The following CERS3 variants were observed in gnomAD, a reference collection of about 807,000 sequenced individuals.
The protein encoded by CERS3 is LAG1 homolog, ceramide synthase 3.
In CERS3, 33 loss-of-function variants were observed where a neutral mutation model predicts 50.3. The observed-to-expected ratio is 0.66, with a 90% CI of 0.50 to 0.88. CERS3 has a LOEUF of 0.88. CERS3 is among the 40% of genes least tolerant of loss of function. The probability of loss-of-function intolerance (pLI) is 0.00; values close to 1 mark genes in which losing one functional copy is unlikely to be tolerated. For missense variants in CERS3, 470 were observed against 460.3 expected, an observed-to-expected ratio of 1.02 and a Z score of -0.19; for synonymous variants, 176 against 155.2, an observed-to-expected ratio of 1.13 and a Z score of -0.99.
chr15:100,496,754 C>A (rs2035827534), intron 3 of CERS3, among the ~76,000 whole-genome samples: 1 of 152,118 alleles, frequency 6.6e-6, no homozygotes, highest in African/African-American at 2.4e-5. Context: ...TTCTGCCAGT[C>A]CAGTCAATTC....
At chr15:100,480,762 T>G (rs2035274065) in intron 5 of CERS3, among the ~76,000 whole-genome samples, 1 of 152,188 alleles carries the variant, frequency 6.6e-6, no homozygotes, top group African/African-American at 2.4e-5. Context: ...ATGCTGAAAA[T>G]AAAGAGTTCT....
intron 3 of CERS3, chr15:100,500,315 A>G (rs759666134): frequency 2.0e-5 from 3 of 152,234 alleles, no homozygotes; most frequent in Admixed American, 6.5e-5. Flanking sequence ...TCCCTTGAGA[A>G]GAAGCAACAA....
intron 10 of CERS3, among the ~76,000 whole-genome samples, chr15:100,462,270 GT>G (rs1021984367): frequency 5.3e-5 from 8 of 152,294 alleles, no homozygotes; most frequent in African/African-American, 1.9e-4. Flanking sequence ...TTTCAGTTTT[GT>G]TTCCAATTTT....
intron 11 of CERS3, among the ~76,000 whole-genome samples, chr15:100,422,941 G>T (rs1225349661): frequency 9.7e-5 from 13 of 133,416 alleles, no homozygotes; most frequent in Non-Finnish European, 1.8e-4. Flanking sequence ...GTTGTGGGGT[G>T]GGGGGGAGGG....
chr15:100,503,823 G>C, intron 2 of CERS3: 1 of 458,908 alleles, frequency 2.2e-6, no homozygotes, highest in South Asian at 1.6e-5. Context: ...GGCCAGAGCA[G>C]TGGGGACCAG....
intron 11 of CERS3, among the ~76,000 whole-genome samples, chr15:100,421,237 T>G (rs898689152): frequency 4.0e-5 from 6 of 150,104 alleles, no homozygotes; most frequent in Non-Finnish European, 7.4e-5. Flanking sequence ...CAGCAAAGTC[T>G]CAGGATACAA....
chr15:100,441,180 C>G (rs1371211780), intron 11 of CERS3, among the ~76,000 whole-genome samples: 1 of 151,976 alleles, frequency 6.6e-6, no homozygotes, highest in South Asian at 2.1e-4. Flanking sequence ...TATTTCTGCA[C>G]CCCGACCTCT....
chr15:100,407,339 T>C lies in CERS3; in HGVS notation c.1000-4474A>G, dbSNP rs547335840. ...CCTTTAACAAGAGATCCCAACTGTA[T>C]AGGGCCTGTTGGAACTTTATAGCAT... On this transcript the variant is annotated intron_variant, in intron 11 of 11. Coordinates refer to ENST00000679737, the MANE Select transcript of CERS3 (RefSeq NM_001378789.1). Among the ~76,000 whole-genome samples, 8 of 152,324 alleles carry C rather than the reference T, an allele frequency of 5.3e-5. No homozygotes were observed. The East Asian group carries it at 7.7e-4, about 15-fold the overall frequency.
intron 3 of CERS3, among the ~76,000 whole-genome samples, chr15:100,491,541 G>GTGTGTAGT (rs2035651944): frequency 6.6e-6 from 1 of 152,084 alleles, no homozygotes; most frequent in Admixed American, 6.6e-5. Context: ...ATTCTACTGG[G>GTGTGTAGT]TGTGTAGTGG....
chr15:100,489,240 G>A (rs181859280), intron 4 of CERS3, among the ~76,000 whole-genome samples: 1 of 152,306 alleles, frequency 6.6e-6, no homozygotes, highest in East Asian at 1.9e-4. Context: ...TAGCATGGTG[G>A]AAAGGTCACT....
intron 10 of CERS3, among the ~76,000 whole-genome samples, chr15:100,460,919 T>G (rs893516769): frequency 1.3e-5 from 2 of 152,150 alleles, no homozygotes; most frequent in Non-Finnish European, 2.9e-5. Flanking sequence ...GGGTTCTACA[T>G]GTACAAAGGC....
intron 11 of CERS3, among the ~76,000 whole-genome samples, chr15:100,435,077 C>T (rs1029013796): frequency 1.3e-5 from 2 of 152,148 alleles, no homozygotes; most frequent in African/African-American, 2.4e-5. Flanking sequence ...ATATCAATGC[C>T]GTGCTCTCAG....
intron 1 of CERS3, among the ~76,000 whole-genome samples, chr15:100,536,761 G>T (rs974450704): frequency 1.3e-5 from 2 of 152,134 alleles, no homozygotes; most frequent in Non-Finnish European, 2.9e-5. Context: ...ACACTGGGCT[G>T]GGCACCTCAG....
rs752230253 is a variant in CERS3 at position 100,472,976 on chromosome 15, C to T, written c.686G>A (p.Arg229His). 3 of 1,613,810 alleles carry T rather than the reference C, an allele frequency of 1.9e-6. No individual in the cohort carries two copies. The highest frequency in any genetic ancestry group is 1.7e-6 in the Non-Finnish European group (2 of 1,179,914). The change falls in exon 9 of 12, where the codon CGC (arginine) becomes CAC (histidine). Residue 229 changes from arginine to histidine, a missense_variant. By Grantham distance (29) the Arg-to-His change is conservative. Coordinates refer to ENST00000679737, the MANE Select transcript of CERS3 (RefSeq NM_001378789.1). ...MSFSWCANYI[R>H]SGTLVMIVHD... is the part of the protein sequence containing the mutation. The stretch of plus-strand genomic sequence containing the variant: ...TACAATCATCACGAGGGTCCCACTG[C>T]GAATATAATTAGCACACCAAGAGAA...
intron 11 of CERS3, among the ~76,000 whole-genome samples, chr15:100,440,733 A>G (rs1034536368): frequency 2.0e-5 from 3 of 152,222 alleles, no homozygotes; most frequent in African/African-American, 7.2e-5. Flanking sequence ...AGCCCAAGAA[A>G]CATCTCACCA....
At chr15:100,463,476 A>G (rs1341608121) in intron 10 of CERS3, among the ~76,000 whole-genome samples, 1 of 151,798 alleles carries the variant, frequency 6.6e-6, no homozygotes, top group South Asian at 2.1e-4. Context: ...AAATGAATAC[A>G]TGAATAAAAG....
chr15:100,405,164 T>C (rs970016901), intron 11 of CERS3, among the ~76,000 whole-genome samples: 1 of 150,360 alleles, frequency 6.7e-6, no homozygotes, highest in Non-Finnish European at 1.5e-5. Context: ...AGCTGCAAAC[T>C]GGGAGATAAT....
At chr15:100,504,657 G>C (rs898080968) in intron 2 of CERS3, among the ~76,000 whole-genome samples, 1 of 152,190 alleles carries the variant, frequency 6.6e-6, no homozygotes, top group South Asian at 2.1e-4. Flanking sequence ...CAAAGACTTA[G>C]TGATACTTCC....
At chr15:100,540,069 C>T (rs374618213) in intron 1 of CERS3, among the ~76,000 whole-genome samples, 9 of 152,092 alleles carry the variant, frequency 5.9e-5, no homozygotes, top group East Asian at 3.9e-4. Context: ...TTTCCTAAAC[C>T]ACCCTCTGAA....
Sources: gnomAD v4.1 joint callset for allele counts (sites outside exome capture counted in the v4.1 genomes callset) on GRCh38, gnomAD v4.1.1 for gene constraint, MANE v1.5 for transcripts, NCBI Gene and HGNC (gene_info 2026-07-23, HGNC 2026-07-21) for gene names.